Variants in KLC1 observed in about 807,000 individuals in gnomAD.
KLC1 encodes kinesin light chain 1, also known as kinesin 2 60/70kDa.
A neutral mutation model predicts 84.2 loss-of-function variants in KLC1; 30 were observed. That is an observed-to-expected ratio of 0.36 (90% confidence interval 0.27 to 0.48). The LOEUF is 0.48. Among genes scored for constraint, KLC1 ranks in the 20% least tolerant of loss-of-function variants. The pLI, the probability that KLC1 is intolerant of heterozygous loss-of-function variation, is 0.99. For missense variants in KLC1, 499 were observed against 805.4 expected, an observed-to-expected ratio of 0.62 and a Z score of 4.60; for synonymous variants, 289 against 293.3, an observed-to-expected ratio of 0.99 and a Z score of 0.15.
rs192675864 is a variant in KLC1 at position 103,645,829 on chromosome 14, C to T, written c.-1-8735C>T. On this transcript the variant is annotated intron_variant, in intron 1 of 16. Transcript: ENST00000334553. ...CTGGAGTGCAGTGGCACAATCTCAGCTCACTGCAAGTTCCGCCTTCTGGGT... is the reference window on the plus strand; with the variant it reads ...CTGGAGTGCAGTGGCACAATCTCAGTTCACTGCAAGTTCCGCCTTCTGGGT... Among the ~76,000 whole-genome samples the T allele has an allele frequency of 3.2e-3, 483 of 151,554 alleles. 1 individual carries two copies. The highest frequency in any genetic ancestry group is 5.3e-3 in the Admixed American group (81 of 15,190).
At chr14:103,699,827 C>T (rs2082981498) in intron 15 of KLC1, 2 of 554,406 alleles carry the variant, frequency 3.6e-6, no homozygotes, top group Non-Finnish European at 6.6e-6. Flanking sequence ...CCCCCCCAGG[C>T]AGTCACCCCT....
chr14:103,658,438 T>TTC (rs1381755442), intron 3 of KLC1, among the ~76,000 whole-genome samples: 1 of 144,158 alleles, frequency 6.9e-6, no homozygotes, highest in East Asian at 2.0e-4. Context: ...GTTTTTTTTT[T>TTC]TTTTTTTTTT....
chr14:103,657,307 A>C (rs2078911423), intron 2 of KLC1, among the ~76,000 whole-genome samples: 3 of 152,024 alleles, frequency 2.0e-5, no homozygotes, highest in Admixed American at 6.5e-5. Flanking sequence ...CATGCTCTTC[A>C]AAAAAATAAG....
intron 1 of KLC1, among the ~76,000 whole-genome samples, chr14:103,648,624 T>C (rs10047805): frequency 6.6e-6 from 1 of 150,878 alleles, no homozygotes; most frequent in African/African-American, 2.4e-5. Context: ...CTACAGAAAA[T>C]AAAAAGAAAA....
chr14:103,687,850 CAA>C (rs1183063385), intron 14 of KLC1: 1 of 152,138 alleles, frequency 6.6e-6, no homozygotes, highest in Non-Finnish European at 1.5e-5. Context: ...ATATGGTGCA[CAA>C]AGTTGACAGA....
At chr14:103,698,666 G>A in intron 15 of KLC1, 1 of 808,664 alleles carries the variant, frequency 1.2e-6, no homozygotes, top group Non-Finnish European at 2.0e-6. Context: ...AGAAAGTGGA[G>A]CCGCTGCCCT....
In KLC1 at chr14:103,652,553, G is replaced by A. The variant is rs527295843; in HGVS notation, c.-1-2011G>A. The stretch of plus-strand genomic sequence containing the variant: ...GTTGCCCAGGCTGGAGTGCAGTGGC[G>A]CGATCTCGGCTCACTGCAACTCCTG... On this transcript the variant is annotated intron_variant, in intron 1 of 16. Transcript: ENST00000334553. Among the ~76,000 whole-genome samples the A allele has an allele frequency of 8.6e-5, 13 of 151,960 alleles. No individual in the cohort carries two copies. The East Asian group carries it at 1.7e-3, about 20-fold the overall frequency.
At chr14:103,684,946 T>C in intron 13 of KLC1, 1 of 798,292 alleles carries the variant, frequency 1.3e-6, no homozygotes, top group Non-Finnish European at 2.2e-6. Flanking sequence ...CCCCACATTT[T>C]TGAGGTGTTG....
At chr14:103,685,813 T>G (rs1270426897) in intron 13 of KLC1, 1 of 1,204,966 alleles carries the variant, frequency 8.3e-7, no homozygotes, top group Non-Finnish European at 1.1e-6. Context: ...TTTGGGGGGG[T>G]TCCTGATTTC....
intron 1 of KLC1, among the ~76,000 whole-genome samples, chr14:103,648,827 T>TA (rs1427365676): frequency 6.6e-6 from 1 of 151,206 alleles, no homozygotes; most frequent in Non-Finnish European, 1.5e-5. Flanking sequence ...TCATGTATGT[T>TA]AAAAATACAT....
intron 13 of KLC1, among the ~76,000 whole-genome samples, chr14:103,684,209 A>C (rs188213419): frequency 2.3e-3 from 346 of 152,350 alleles, no homozygotes; most frequent in Middle Eastern, 0.01. Context: ...AGAATATGCC[A>C]AAAATAAATA....
chr14:103,637,905 A>G (rs1417628703), intron 1 of KLC1, among the ~76,000 whole-genome samples: 2 of 152,008 alleles, frequency 1.3e-5, no homozygotes, highest in African/African-American at 4.8e-5. Context: ...TGCCCTGGCT[A>G]GTCTTTAACT....
At chr14:103,646,034 G>A (rs554786170) in intron 1 of KLC1, among the ~76,000 whole-genome samples, 3 of 152,114 alleles carry the variant, frequency 2.0e-5, no homozygotes, top group African/African-American at 7.2e-5. Flanking sequence ...CTGGGATTAC[G>A]GGCATGAGCC....
At chr14:103,640,693 C>G in intron 1 of KLC1, among the ~76,000 whole-genome samples, 1 of 151,746 alleles carries the variant, frequency 6.6e-6, no homozygotes, top group Admixed American at 6.6e-5. Context: ...TGTATGTATA[C>G]TTTTTTGGTT....
At chr14:103,678,547 A>G (rs1290403775) in intron 12 of KLC1, among the ~76,000 whole-genome samples, 1 of 151,146 alleles carries the variant, frequency 6.6e-6, no homozygotes, top group Non-Finnish European at 1.5e-5. Flanking sequence ...TAAATTAGCC[A>G]GGTGTGTTGG....
At chr14:103,668,906 T>A (rs1322549334) in intron 5 of KLC1, among the ~76,000 whole-genome samples, 2 of 151,702 alleles carry the variant, frequency 1.3e-5, no homozygotes, top group Non-Finnish European at 2.9e-5. Flanking sequence ...GCCTCCCGAG[T>A]AGCTGGGACT....
chr14:103,645,808 A>G (rs1463152229), intron 1 of KLC1, among the ~76,000 whole-genome samples: 3 of 149,724 alleles, frequency 2.0e-5, no homozygotes, highest in African/African-American at 7.4e-5. Context: ...CCCAGGCTGG[A>G]GTGCAGTGGC....
intron 5 of KLC1, among the ~76,000 whole-genome samples, chr14:103,667,469 G>A (rs1881030388): frequency 6.6e-6 from 1 of 152,026 alleles, no homozygotes; most frequent in South Asian, 2.1e-4. Context: ...CCGAGTAGCT[G>A]GGACTACAGG....
chr14:103,670,030 A>G, intron 6 of KLC1, 152 bp from the exon 7 acceptor site: 1 of 565,914 alleles, frequency 1.8e-6, no homozygotes, highest in South Asian at 2.6e-5. Flanking sequence ...ACTCTAGTGA[A>G]TTGCGCTTTT....
Sources: allele counts gnomAD v4.1 joint callset (sites outside exome capture counted in the v4.1 genomes callset), GRCh38; gene constraint gnomAD v4.1.1; transcripts MANE v1.5; gene names NCBI Gene and HGNC (gene_info 2026-07-23, HGNC 2026-07-21).